Variants in BCL11A observed in about 807,000 individuals in gnomAD.
The protein encoded by BCL11A is BCL11 transcription factor A.
Under a neutral mutation model 55.9 loss-of-function variants are expected in BCL11A, and 2 were observed. The observed-to-expected ratio is 0.04, with a 90% CI of 0.01 to 0.11. The LOEUF is 0.11. Ranked by LOEUF, BCL11A falls within the 10% of genes least tolerant of loss-of-function variation. The pLI is 1.00. For synonymous variants in BCL11A, 465 were observed against 473.4 expected (o/e 0.98, Z 0.23); for missense variants, 817 against 1,137.1 (o/e 0.72, Z 4.05).
chr2:60,511,240 G>A (rs184370260), intron 2 of BCL11A, among the ~76,000 whole-genome samples: 5 of 152,356 alleles, frequency 3.3e-5, no homozygotes, highest in Non-Finnish European at 7.3e-5. Flanking sequence ...ATGGCAAAGG[G>A]ACAAATCCCT....
chr2:60,460,833 C>G lies in BCL11A; in HGVS notation c.2079G>C (p.Glu693Asp). The G allele has an allele frequency of 6.2e-7, 1 of 1,612,696 alleles. No homozygotes were observed. The highest frequency in any genetic ancestry group is 1.1e-5 in the South Asian group (1 of 91,086). ...GTGTGGAGAAGCGCAAACTCCCGTT[C>G]TCCGAGGAGTGCTCCGACGAGGAGG... ...PFASSSEHSS[E>D]NGSLRFSTPP... The change falls in exon 4 of 4, where the codon GAG (glutamate) becomes GAC (aspartate). Residue 693 changes from glutamate to aspartate, a missense_variant. Glu to Asp is a conservative substitution (Grantham distance 45). This residue lies in a region of BCL11A where 379 missense variants were observed against 425.3 expected (regional missense o/e 0.89). Transcript: ENST00000642384.
At chr2:60,516,596 AG>A (rs1668739870) in intron 2 of BCL11A, among the ~76,000 whole-genome samples, 1 of 152,190 alleles carries the variant, frequency 6.6e-6, no homozygotes, top group African/African-American at 2.4e-5. Context: ...AGGAGTGGAG[AG>A]CTAAGCTCAA....
intron 2 of BCL11A, among the ~76,000 whole-genome samples, chr2:60,479,704 A>C (rs1677842860): frequency 6.6e-6 from 1 of 152,196 alleles, no homozygotes; most frequent in African/African-American, 2.4e-5. Flanking sequence ...TAATGCAATA[A>C]AATGTCTTTT....
chr2:60,473,435 G>A (rs563401073), intron 2 of BCL11A, among the ~76,000 whole-genome samples: 2 of 152,160 alleles, frequency 1.3e-5, no homozygotes, highest in African/African-American at 4.8e-5. Flanking sequence ...TCCTTTCGCA[G>A]TCCATAATCC....
At chr2:60,499,443 T>C (rs531295705) in intron 2 of BCL11A, among the ~76,000 whole-genome samples, 2 of 152,288 alleles carry the variant, frequency 1.3e-5, no homozygotes, top group African/African-American at 4.8e-5. Flanking sequence ...AAAAGGAAAT[T>C]AGCCCCATTT....
chr2:60,492,559 G>A (rs1312067458), intron 2 of BCL11A, among the ~76,000 whole-genome samples: 5 of 151,650 alleles, frequency 3.3e-5, no homozygotes, highest in Non-Finnish European at 5.9e-5. Flanking sequence ...GTACTCATGC[G>A]CTTCTCAGAC....
intron 1 of BCL11A, chr2:60,550,876 G>A (rs1222679397): frequency 5.0e-6 from 2 of 398,380 alleles, no homozygotes; most frequent in East Asian, 7.1e-5. Context: ...ACCTGGCCGG[G>A]CTGTAACTTC....
Position 60,461,560 on chromosome 2 carries a change from C to T in BCL11A, c.1352G>A (p.Gly451Asp). The T allele has an allele frequency of 6.2e-7, 1 of 1,611,632 alleles. No individual in the cohort carries two copies. The stretch of plus-strand genomic sequence containing the variant: ...GGCGCTGCCCACCAAGTCGCTGGTG[C>T]CGGGTTCCGGGGAGCTGGCGGTGGA... Reference protein sequence around the residue: ...GLSTASSPEPGTSDLVGSASS... With the variant: ...GLSTASSPEPDTSDLVGSASS... The change falls in exon 4 of 4, where the codon GGC becomes GAC. Residue 451 changes from glycine to aspartate, a missense_variant. By Grantham distance (94) the Gly-to-Asp change is moderately conservative (BLOSUM62 -1). Coordinates refer to ENST00000642384, the MANE Select transcript of BCL11A (RefSeq NM_022893.4).
At chr2:60,544,549 A>C (rs953320599) in intron 2 of BCL11A, 2 of 152,242 alleles carry the variant, frequency 1.3e-5, no homozygotes, top group Admixed American at 1.3e-4. Flanking sequence ...AGCACTAAAA[A>C]AAGAAAGAAA....
chr2:60,550,932 G>T, intron 1 of BCL11A: 1 of 305,404 alleles, frequency 3.3e-6, no homozygotes, highest in South Asian at 1.5e-4. Flanking sequence ...GCGGCCGGGG[G>T]AGTTGGGGGC....
At chr2:60,506,378 A>C (rs768807875) in intron 2 of BCL11A, among the ~76,000 whole-genome samples, 6 of 152,120 alleles carry the variant, frequency 3.9e-5, no homozygotes, top group Non-Finnish European at 7.4e-5. Flanking sequence ...GGTCTGTCAA[A>C]CCCCTGGAAA....
intron 2 of BCL11A, among the ~76,000 whole-genome samples, chr2:60,480,047 G>A (rs12997966): frequency 0.18 from 26,692 of 152,102 alleles, 2,928 homozygotes; most frequent in Non-Finnish European, 0.25. Context: ...TGACTTTGGC[G>A]GCTCCTCCGG....
At chr2:60,520,950 C>A (rs879409017) in intron 2 of BCL11A, among the ~76,000 whole-genome samples, 5 of 152,128 alleles carry the variant, frequency 3.3e-5, no homozygotes, top group African/African-American at 4.8e-5. Context: ...CAGCTCTGTA[C>A]ACAACCTTTG....
intron 2 of BCL11A, among the ~76,000 whole-genome samples, chr2:60,512,969 C>G (rs1208284597): frequency 6.6e-6 from 1 of 152,104 alleles, no homozygotes; most frequent in Admixed American, 6.5e-5. Context: ...AACATTTTCT[C>G]AAAAATGAAC....
rs768889027 is a variant in BCL11A, at chr2:60,553,356, AAAG to A, written c.-89_-87del. ...GTTCACATCGGGAGAGCCGGGTTAGAAAGAAGGAGACTCCAGAGAAAATATCTT... is the reference window on the plus strand; with the variant it reads ...GTTCACATCGGGAGAGCCGGGTTAGAAAGGAGACTCCAGAGAAAATATCTT... On this transcript the variant is annotated 5_prime_UTR_variant, in exon 1 of 4. Coordinates refer to ENST00000642384, the MANE Select transcript of BCL11A (RefSeq NM_022893.4). 6 of 1,381,710 alleles carry A rather than the reference AAAG, an allele frequency of 4.3e-6. No individual in the cohort carries two copies. Among genetic ancestry groups the A allele is most frequent in the South Asian group, 2.6e-5 (2 of 78,064 alleles). 85.6% of individuals were successfully genotyped at this position (1,381,710 alleles called of 1,614,324 possible).
chr2:60,474,829 A>C (rs1677430556), intron 2 of BCL11A, among the ~76,000 whole-genome samples: 1 of 152,234 alleles, frequency 6.6e-6, no homozygotes. Flanking sequence ...TACAAAGAAA[A>C]CACGGACACA....
At chr2:60,472,759 G>A (rs1235588122) in intron 2 of BCL11A, among the ~76,000 whole-genome samples, 4 of 152,182 alleles carry the variant, frequency 2.6e-5, no homozygotes, top group African/African-American at 7.2e-5. Context: ...CTATTAACAT[G>A]CTATTTGTTT....
intron 2 of BCL11A, among the ~76,000 whole-genome samples, chr2:60,538,719 GTCTCTC>G (rs542617506): frequency 8.2e-4 from 107 of 130,660 alleles, no homozygotes; most frequent in African/African-American, 2.6e-3. Context: ...TAAACTGAAT[GTCTCTC>G]TCTCTCTCTC....
intron 2 of BCL11A, among the ~76,000 whole-genome samples, chr2:60,473,161 TGA>T (rs1407223102): frequency 3.3e-5 from 5 of 152,186 alleles, no homozygotes; most frequent in South Asian, 2.1e-4. Flanking sequence ...TGTGTATATG[TGA>T]GTGTGTGCAT....
Sources: allele counts gnomAD v4.1 joint callset (sites outside exome capture counted in the v4.1 genomes callset), GRCh38; gene constraint gnomAD v4.1.1; regional missense constraint gnomAD v4.1.1; transcripts MANE v1.5; gene names NCBI Gene and HGNC (gene_info 2026-07-23, HGNC 2026-07-21).